The following DHRSX variants were observed in gnomAD, a reference collection of about 807,000 sequenced individuals.
The protein encoded by DHRSX is polyprenol dehydrogenase.
A neutral mutation model predicts 34.0 loss-of-function variants in DHRSX; 31 were observed. The observed-to-expected ratio is 0.91, with a 90% confidence interval of 0.69 to 1.23. The LOEUF (loss-of-function observed/expected upper bound fraction) is 1.23. Among genes scored for constraint, DHRSX ranks in the 50% most tolerant of loss-of-function variants. The pLI, the probability that DHRSX is intolerant of heterozygous loss-of-function variation, is 0.00. For missense variants in DHRSX, 414 were observed against 428.1 expected (o/e 0.97, Z 0.29); for synonymous variants, 201 against 183.8 (o/e 1.09, Z -0.76).
intron 6 of DHRSX, among the ~76,000 whole-genome samples, chrX:2,226,793 T>A (rs1202391871): frequency 6.8e-6 from 1 of 147,942 alleles, no homozygotes; most frequent in African/African-American, 2.5e-5. Flanking sequence ...AGATGCCATC[T>A]CAAAAAAAAA....
chrX:2,486,426 A>C (rs979887713), intron 1 of DHRSX: 15 of 152,218 alleles, frequency 9.9e-5, no homozygotes, highest in Non-Finnish European at 7.3e-5. Context: ...CAAATGAATG[A>C]GGAGCTAATG....
chrX:2,223,847 G>T (rs1415967595), intron 6 of DHRSX, among the ~76,000 whole-genome samples: 1 of 152,068 alleles, frequency 6.6e-6, no homozygotes, highest in Non-Finnish European at 1.5e-5. Context: ...GAGTCTTTCT[G>T]GGGCCCAGCC....
intron 3 of DHRSX, among the ~76,000 whole-genome samples, chrX:2,379,187 A>G (rs1054534703): frequency 2.0e-5 from 3 of 152,118 alleles, no homozygotes; most frequent in Non-Finnish European, 2.9e-5. Flanking sequence ...GTGGCTTCAG[A>G]GTCCCCTGTA....
At chrX:2,490,740 C>A in intron 1 of DHRSX, 2 of 1,601,880 alleles carry the variant, frequency 1.2e-6, no homozygotes, top group Non-Finnish European at 1.7e-6. Flanking sequence ...CCGGAGCCTG[C>A]CTGCTGGACG....
At chrX:2,304,753 C>T (rs1227080862) in intron 3 of DHRSX, among the ~76,000 whole-genome samples, 1 of 152,026 alleles carries the variant, frequency 6.6e-6, no homozygotes, top group Non-Finnish European at 1.5e-5. Context: ...ATCCATGAGC[C>T]AATTAAACTT....
intron 3 of DHRSX, among the ~76,000 whole-genome samples, chrX:2,307,924 C>G (rs1418972112): frequency 2.6e-5 from 4 of 152,054 alleles, no homozygotes; most frequent in Non-Finnish European, 5.9e-5. Context: ...CTGCGTTCAC[C>G]TGGAACCTAA....
chrX:2,437,690 AGAGAGAGAGTGTGTGT>A (rs1427331388), intron 1 of DHRSX, among the ~76,000 whole-genome samples: 166 of 75,320 alleles, frequency 2.2e-3, no homozygotes, highest in African/African-American at 7.8e-3. Context: ...AGAGAGAGAG[AGAGAGAGAGTGTGTGT>A]GTGTGTGTGT....
chrX:2,380,251 A>C (rs1569495483), intron 3 of DHRSX, among the ~76,000 whole-genome samples: 1 of 136,144 alleles, frequency 7.3e-6, no homozygotes. Context: ...CAGTGAGCTG[A>C]GATCATGCCA....
chrX:2,259,843 C>G (rs773920768), intron 5 of DHRSX, among the ~76,000 whole-genome samples: 2 of 150,760 alleles, frequency 1.3e-5, no homozygotes, highest in South Asian at 2.1e-4. Context: ...AGAAGGATAC[C>G]GGTCAGTGGA....
intron 3 of DHRSX, among the ~76,000 whole-genome samples, chrX:2,329,612 T>A (rs1240596867): frequency 6.6e-6 from 1 of 152,116 alleles, no homozygotes; most frequent in Non-Finnish European, 1.5e-5. Flanking sequence ...GCATGGATGG[T>A]CCCTCATGGC....
intron 3 of DHRSX, among the ~76,000 whole-genome samples, chrX:2,312,536 G>C (rs886274354): frequency 6.6e-6 from 1 of 151,776 alleles, no homozygotes; most frequent in Non-Finnish European, 1.5e-5. Flanking sequence ...AGAACACATG[G>C]ACACAGGGAG....
rs2015483928 is a variant in DHRSX at position 2,219,735 on chromosome X, TAA to T, written c.*1304_*1305del. On this transcript the variant is annotated 3_prime_UTR_variant, in exon 7 of 7. Transcript: ENST00000334651. Reference sequence around the variant, plus strand: ...GGATTTTGTCACTTAGTGGAATGGATAATAAGCCAACCAATGGTCATCAGTCT... The same window carrying T: ...GGATTTTGTCACTTAGTGGAATGGATTAAGCCAACCAATGGTCATCAGTCT... 6.6e-6 allele frequency: 1 copy of T among 152,180 alleles called. No individual in the cohort carries two copies. The highest frequency in any genetic ancestry group is 2.4e-5 in the African/African-American group (1 of 41,436). 9.4% of individuals were successfully genotyped at this position (152,180 alleles called of 1,614,324 possible).
intron 1 of DHRSX, among the ~76,000 whole-genome samples, chrX:2,438,020 A>AAC (rs995879245): frequency 1.3e-5 from 2 of 149,682 alleles, no homozygotes; most frequent in Non-Finnish European, 3.0e-5. Flanking sequence ...AAAAAAAAAA[A>AAC]CTGAATTCTG....
chrX:2,465,724 G>A (rs1288865732), intron 1 of DHRSX, among the ~76,000 whole-genome samples: 5 of 150,344 alleles, frequency 3.3e-5, no homozygotes, highest in Non-Finnish European at 7.4e-5. Flanking sequence ...CAGGAGAATT[G>A]CTTGAACCCA....
chrX:2,311,524 T>C (rs1216151342), intron 3 of DHRSX, among the ~76,000 whole-genome samples: 1 of 152,056 alleles, frequency 6.6e-6, no homozygotes, highest in Non-Finnish European at 1.5e-5. Context: ...CCAGGTCTAG[T>C]CTAGAAAAGA....
chrX:2,387,158 C>G (rs1361710967), intron 3 of DHRSX, among the ~76,000 whole-genome samples: 2 of 152,032 alleles, frequency 1.3e-5, no homozygotes, highest in Non-Finnish European at 2.9e-5. Context: ...TGCCCACATG[C>G]TTTAAAAGGA....
intron 4 of DHRSX, among the ~76,000 whole-genome samples, chrX:2,290,099 G>C (rs1455571122): frequency 1.3e-5 from 2 of 152,144 alleles, no homozygotes; most frequent in African/African-American, 4.8e-5. Context: ...AGCTATGTCT[G>C]TACAAATTTT....
intron 3 of DHRSX, among the ~76,000 whole-genome samples, chrX:2,360,467 C>CA (rs2042918007): frequency 6.6e-6 from 1 of 152,070 alleles, no homozygotes; most frequent in South Asian, 2.1e-4. Context: ...CCTGTAATCC[C>CA]AGCTACTTGG....
At chrX:2,401,935 G>A (rs1432442632) in intron 3 of DHRSX, among the ~76,000 whole-genome samples, 1 of 152,302 alleles carries the variant, frequency 6.6e-6, no homozygotes, top group African/African-American at 2.4e-5. Flanking sequence ...TCAATTAGCC[G>A]TCCTTCTGTG....
Sources: allele counts gnomAD v4.1 joint callset (sites outside exome capture counted in the v4.1 genomes callset), GRCh38; gene constraint gnomAD v4.1.1; transcripts MANE v1.5; gene names NCBI Gene and HGNC (gene_info 2026-07-23, HGNC 2026-07-21).